IL1RAPL2: variants seen among roughly 807,000 people sequenced by gnomAD.
The protein encoded by IL1RAPL2 is interleukin 1 receptor accessory protein like 2.
A neutral mutation model predicts 44.1 loss-of-function variants in IL1RAPL2; 3 were observed. That is an observed-to-expected ratio of 0.07 (90% CI 0.03 to 0.18). The LOEUF is 0.18. Among genes scored for constraint, IL1RAPL2 ranks in the 10% least tolerant of loss-of-function variants. The probability of loss-of-function intolerance (pLI) is 1.00; values close to 1 mark genes in which losing one functional copy is unlikely to be tolerated. For missense variants in IL1RAPL2, 391 were observed against 496.4 expected (o/e 0.79, Z 2.02); for synonymous variants, 181 against 178.8 (o/e 1.01, Z -0.10).
intron 2 of IL1RAPL2, among the ~76,000 whole-genome samples, chrX:104,969,920 T>A (rs182638757): frequency 0.012 from 1,311 of 111,873 alleles, 8 homozygotes; most frequent in Non-Finnish European, 0.019. Flanking sequence ...TAGTTTTTTT[T>A]TTCTTTTTTT....
At chrX:104,942,536 A>G (rs1213116262) in intron 2 of IL1RAPL2, among the ~76,000 whole-genome samples, 2 of 111,076 alleles carry the variant, frequency 1.8e-5, no homozygotes, top group African/African-American at 6.6e-5. Flanking sequence ...TGATTTTTGC[A>G]CATTGATTTT....
intron 3 of IL1RAPL2, among the ~76,000 whole-genome samples, chrX:105,210,043 C>T (rs1603009650): frequency 9.1e-6 from 1 of 109,950 alleles, no homozygotes; most frequent in South Asian, 4.1e-4. Context: ...CACCCCATCC[C>T]CTAAGTTATT....
intron 5 of IL1RAPL2, among the ~76,000 whole-genome samples, chrX:105,326,228 T>A (rs12380919): frequency 4.6e-5 from 5 of 109,687 alleles, no homozygotes; most frequent in South Asian, 4.0e-4. Flanking sequence ...ATTTTTAAAA[T>A]TTTTTTTTGA....
Position 104,766,916 on chromosome X carries a change from A to G in IL1RAPL2, c.82+107921A>G, listed in dbSNP as rs1044783078. 2.7e-5 allele frequency among the ~76,000 whole-genome samples: 3 copies of G among 111,974 alleles called. No homozygotes were observed. In the Admixed American group the frequency reaches 2.9e-4, roughly 11 times the overall value. Reference sequence around the variant, plus strand: ...GGCATTTAGCTGTCCCAGTTTACACATTTGCAGGGTGGCTGGCCAGTGCTT... The same window carrying G: ...GGCATTTAGCTGTCCCAGTTTACACGTTTGCAGGGTGGCTGGCCAGTGCTT... On this transcript the variant is annotated intron_variant, in intron 2 of 10. Transcript: ENST00000372582.
chrX:105,374,487 A>AT (rs760374925), intron 5 of IL1RAPL2, among the ~76,000 whole-genome samples: 8 of 110,810 alleles, frequency 7.2e-5, no homozygotes, highest in Middle Eastern at 4.6e-3. Flanking sequence ...AATGTTTTCC[A>AT]TTTTTTTTGT....
intron 2 of IL1RAPL2, among the ~76,000 whole-genome samples, chrX:104,782,370 A>G (rs1932779387): frequency 9.0e-6 from 1 of 111,333 alleles, no homozygotes. Flanking sequence ...ATCTGGTGTC[A>G]GATACTCTGG....
At chrX:104,969,478 T>G (rs1432586166) in intron 2 of IL1RAPL2, among the ~76,000 whole-genome samples, 1 of 111,486 alleles carries the variant, frequency 9.0e-6, no homozygotes, top group East Asian at 2.8e-4. Context: ...AAAGGTTTTA[T>G]AACATAAAAC....
chrX:105,724,184 G>T (rs2038331209), intron 7 of IL1RAPL2, among the ~76,000 whole-genome samples: 3 of 110,103 alleles, frequency 2.7e-5, no homozygotes, highest in South Asian at 7.6e-4. Context: ...TTCTTAGTTT[G>T]CCACAGAGGA....
chrX:105,506,724 A>G (rs2036433674), intron 6 of IL1RAPL2, among the ~76,000 whole-genome samples: 1 of 111,877 alleles, frequency 8.9e-6, no homozygotes, highest in Non-Finnish European at 1.9e-5. Flanking sequence ...CTGAAAGGAG[A>G]CGGAGATTAT....
chrX:105,652,699 C>T (rs745982498), intron 6 of IL1RAPL2, among the ~76,000 whole-genome samples: 22 of 111,446 alleles, frequency 2.0e-4, no homozygotes, highest in Non-Finnish European at 4.0e-4. Flanking sequence ...CTTCTCTGAA[C>T]GGATAATACT....
At chrX:105,017,647 C>G (rs747146310) in intron 2 of IL1RAPL2, among the ~76,000 whole-genome samples, 1 of 110,470 alleles carries the variant, frequency 9.1e-6, no homozygotes, top group African/African-American at 3.3e-5. Flanking sequence ...GAGAAGAATG[C>G]AAAGAGGTTG....
intron 1 of IL1RAPL2, among the ~76,000 whole-genome samples, chrX:104,610,687 A>G (rs1929135288): frequency 8.9e-6 from 1 of 112,024 alleles, no homozygotes; most frequent in Admixed American, 9.4e-5. Context: ...CAATATCTTG[A>G]AAATGGCCAT....
At chrX:104,749,086 A>T (rs1490701652) in intron 2 of IL1RAPL2, among the ~76,000 whole-genome samples, 2 of 111,493 alleles carry the variant, frequency 1.8e-5, no homozygotes, top group Non-Finnish European at 3.8e-5. Flanking sequence ...TATAACAGTA[A>T]GGATTTTATT....
At chrX:105,361,289 C>T (rs973828593) in intron 5 of IL1RAPL2, among the ~76,000 whole-genome samples, 1 of 111,447 alleles carries the variant, frequency 9.0e-6, no homozygotes, top group Non-Finnish European at 1.9e-5. Context: ...TATTTTGAGT[C>T]ATTTGCATGA....
At chrX:104,571,644 C>T (rs1928151303) in intron 1 of IL1RAPL2, among the ~76,000 whole-genome samples, 2 of 112,265 alleles carry the variant, frequency 1.8e-5, no homozygotes, top group African/African-American at 3.2e-5. Context: ...GAGGCCTCCC[C>T]AGCCATGCGG....
At chrX:105,486,156 A>G (rs1356255073) in intron 6 of IL1RAPL2, among the ~76,000 whole-genome samples, 2 of 111,630 alleles carry the variant, frequency 1.8e-5, no homozygotes, top group African/African-American at 6.5e-5. Flanking sequence ...AGCCATTTTA[A>G]CTAGGGTGAG....
chrX:105,740,442 A>G (rs2038490301), intron 7 of IL1RAPL2, 104 bp from the exon 8 acceptor site: 1 of 803,647 alleles, frequency 1.2e-6, no homozygotes, highest in South Asian at 2.9e-5. Context: ...CTCCACGCCC[A>G]TCATCAGAGA....
At chrX:105,501,624 AAACAACAACAAC>A (rs892283328) in intron 6 of IL1RAPL2, among the ~76,000 whole-genome samples, 1 of 110,529 alleles carries the variant, frequency 9.0e-6, no homozygotes, top group Non-Finnish European at 1.9e-5. Context: ...ACCCTCTTTC[AAACAACAACAAC>A]AACAACAACA....
At chrX:105,733,624 G>A (rs188330510) in intron 7 of IL1RAPL2, among the ~76,000 whole-genome samples, 11 of 110,449 alleles carry the variant, frequency 1.0e-4, no homozygotes, top group East Asian at 2.9e-4. Context: ...TGATTCTTTC[G>A]TTGGCTGTCA....
Sources: allele counts gnomAD v4.1 joint callset (sites outside exome capture counted in the v4.1 genomes callset), GRCh38; gene constraint gnomAD v4.1.1; transcripts MANE v1.5; gene names NCBI Gene and HGNC (gene_info 2026-07-23, HGNC 2026-07-21).